Variants in FAM219A observed in about 807,000 individuals in gnomAD.
FAM219A encodes protein FAM219A.
FAM219A carries 7 observed loss-of-function variants against 23.4 expected under a neutral mutation model. That is an observed-to-expected ratio of 0.30 (90% CI 0.17 to 0.56). FAM219A has a LOEUF of 0.56. Ranked by LOEUF, FAM219A falls within the 20% of genes least tolerant of loss-of-function variation. The pLI is 0.92. For synonymous variants in FAM219A, 93 were observed against 99.0 expected, an observed-to-expected ratio of 0.94 and a Z score of 0.36; for missense variants, 166 against 246.9, an observed-to-expected ratio of 0.67 and a Z score of 2.20.
At chr9:34,447,184 T>G (rs1252650384) in intron 1 of FAM219A, among the ~76,000 whole-genome samples, 1 of 152,246 alleles carries the variant, frequency 6.6e-6, no homozygotes, top group African/African-American at 2.4e-5. Flanking sequence ...AGTGGACTCT[T>G]AACCTGTATT....
At chr9:34,434,428 C>A (rs1376785399) in intron 1 of FAM219A, among the ~76,000 whole-genome samples, 1 of 152,056 alleles carries the variant, frequency 6.6e-6, no homozygotes, top group Non-Finnish European at 1.5e-5. Context: ...CATTTTATTT[C>A]ATTTAATCTC....
chr9:34,419,469 C>T (rs1036733021), intron 1 of FAM219A, among the ~76,000 whole-genome samples: 2 of 152,086 alleles, frequency 1.3e-5, no homozygotes. Flanking sequence ...TCCAGAGGAT[C>T]TTTCAGTTTC....
intron 1 of FAM219A, among the ~76,000 whole-genome samples, chr9:34,453,935 TCAACA>T (rs1823647834): frequency 6.6e-6 from 1 of 152,108 alleles, no homozygotes. Context: ...ACCCAACTGA[TCAACA>T]GAGAGCCTTG....
intron 1 of FAM219A, among the ~76,000 whole-genome samples, chr9:34,421,295 G>T (rs1159300461): frequency 6.6e-6 from 1 of 152,074 alleles, no homozygotes; most frequent in Non-Finnish European, 1.5e-5. Context: ...GTGCCAGCTG[G>T]GGGTACAGAG....
At chr9:34,424,091 A>C (rs1564007199) in intron 1 of FAM219A, among the ~76,000 whole-genome samples, 1 of 152,210 alleles carries the variant, frequency 6.6e-6, no homozygotes, top group African/African-American at 2.4e-5. Flanking sequence ...AACCAAGAAG[A>C]GATCAGAGTC....
chr9:34,402,530 G>C, intron 3 of FAM219A, 63 bp from the exon 4 acceptor site: 1 of 1,606,110 alleles, frequency 6.2e-7, no homozygotes, highest in Non-Finnish European at 8.5e-7. Context: ...GCAAGGGACT[G>C]GGTTGGGCCC....
At chr9:34,403,537 G>T (rs1325627127) in intron 2 of FAM219A, among the ~76,000 whole-genome samples, 1 of 152,198 alleles carries the variant, frequency 6.6e-6, no homozygotes, top group Non-Finnish European at 1.5e-5. Context: ...TGCCTGAGTG[G>T]TGCTCCTGAC....
rs550333203 is a variant in FAM219A, at chr9:34,398,785, G to T, written c.*2179C>A. ...GGGCTGGCTCTGGGGTCCAGATGAT[G>T]GGGGCACAGGGGTTGGGGGGATGTT... is the stretch of plus-strand genomic sequence containing the variant. On this transcript the variant is annotated 3_prime_UTR_variant, in exon 6 of 6. Transcript: ENST00000651358. 2 of 212,760 alleles carry T rather than the reference G, an allele frequency of 9.4e-6. No individual in the cohort carries two copies. The highest frequency in any genetic ancestry group is 5.1e-5 in the Admixed American group (1 of 19,592). 13.2% of individuals were successfully genotyped at this position (212,760 alleles called of 1,614,324 possible). A position where few individuals can be genotyped will look rare whatever the true frequency, so the allele number is the denominator to read the frequency against.
chr9:34,413,362 GCT>G (rs1821891846), intron 1 of FAM219A, among the ~76,000 whole-genome samples: 2 of 152,126 alleles, frequency 1.3e-5, no homozygotes, highest in African/African-American at 4.8e-5. Flanking sequence ...GACTGGCTGG[GCT>G]CTCAGCTACA....
chr9:34,421,044 G>GAGAGAGAC (rs770336544), intron 1 of FAM219A, among the ~76,000 whole-genome samples: 2,138 of 146,700 alleles, frequency 0.015, 30 homozygotes, highest in Non-Finnish European at 0.022. Context: ...GAGAGAGAGA[G>GAGAGAGAC]AATGGCTCTG....
At chr9:34,436,002 A>G (rs1182802351) in intron 1 of FAM219A, among the ~76,000 whole-genome samples, 1 of 151,900 alleles carries the variant, frequency 6.6e-6, no homozygotes, top group Non-Finnish European at 1.5e-5. Flanking sequence ...ATAGGGTTTC[A>G]CCATGTTGAT....
intron 1 of FAM219A, among the ~76,000 whole-genome samples, chr9:34,433,203 A>G (rs970916219): frequency 2.6e-5 from 4 of 152,134 alleles, no homozygotes; most frequent in African/African-American, 7.2e-5. Context: ...CAATATTATC[A>G]TATTTGTTTT....
chr9:34,419,864 A>G lies in FAM219A; in HGVS notation c.61-13900T>C, dbSNP rs372016284. Among the ~76,000 whole-genome samples the G allele has an allele frequency of 2.0e-5, 3 of 152,244 alleles. No homozygotes were observed. In the South Asian group the frequency reaches 6.2e-4, roughly 32 times the overall value. ...AAGAATAAGGACCAACTTGTCTGCA[A>G]TGGACAATGGACTTGGAGGGCTAGT... On this transcript the variant is annotated intron_variant, in intron 1 of 5. Coordinates refer to ENST00000651358, the MANE Select transcript of FAM219A (RefSeq NM_001184940.2).
intron 1 of FAM219A, among the ~76,000 whole-genome samples, chr9:34,427,581 TATGTCCTCCCA>T (rs1161327186): frequency 2.6e-5 from 4 of 152,364 alleles, no homozygotes; most frequent in African/African-American, 7.2e-5. Context: ...CTGCCTCCAC[TATGTCCTCCCA>T]ATGCTTGGCA....
chr9:34,455,465 ATT>A (rs11394221), intron 1 of FAM219A, among the ~76,000 whole-genome samples: 15 of 129,618 alleles, frequency 1.2e-4, no homozygotes, highest in East Asian at 2.2e-4. Context: ...TGCTATCTTG[ATT>A]TTTTTTTTTT....
intron 1 of FAM219A, among the ~76,000 whole-genome samples, chr9:34,444,497 ATAG>A (rs897562643): frequency 1.3e-5 from 2 of 152,180 alleles, no homozygotes; most frequent in African/African-American, 4.8e-5. Flanking sequence ...AACTCCATTA[ATAG>A]CTTCTCCAGC....
chr9:34,436,634 G>A (rs1822932815), intron 1 of FAM219A, among the ~76,000 whole-genome samples: 1 of 152,188 alleles, frequency 6.6e-6, no homozygotes, highest in Non-Finnish European at 1.5e-5. Context: ...GGGGGTCAAT[G>A]GGAAATGTAC....
chr9:34,455,229 A>G (rs537039717), intron 1 of FAM219A, among the ~76,000 whole-genome samples: 1 of 152,266 alleles, frequency 6.6e-6, no homozygotes, highest in African/African-American at 2.4e-5. Flanking sequence ...TTTAGAAGGG[A>G]GAGTGAGGAG....
rs1821282967 is a variant in FAM219A at position 34,398,210 on chromosome 9, T to C, written c.*2754A>G. ...GGCTTGTTTGATGCTTTTAATATCA[T>C]TATTTGTGTTACACGATACACAACC... On this transcript the variant is annotated 3_prime_UTR_variant, in exon 6 of 6. Coordinates refer to ENST00000651358, the MANE Select transcript of FAM219A (RefSeq NM_001184940.2). 3 of 1,499,960 alleles carry C rather than the reference T, an allele frequency of 2.0e-6. No individual in the cohort carries two copies. Among genetic ancestry groups the C allele is most frequent in the East Asian group, 2.5e-5 (1 of 40,648 alleles). The allele number at this position is 1,499,960 out of a possible 1,614,324, so 92.9% of individuals were successfully genotyped here. A position where few individuals can be genotyped will look rare whatever the true frequency, so the allele number is the denominator to read the frequency against.
Sources: gnomAD v4.1 joint callset for allele counts (sites outside exome capture counted in the v4.1 genomes callset) on GRCh38, gnomAD v4.1.1 for gene constraint, MANE v1.5 for transcripts, NCBI Gene and HGNC (gene_info 2026-07-23, HGNC 2026-07-21) for gene names.